HOXC5: variants seen among roughly 807,000 people sequenced by gnomAD.
The protein encoded by HOXC5 is homeobox C5, also known as homeobox protein Hox-C5.
In HOXC5, 19 loss-of-function variants were observed where a neutral mutation model predicts 20.1. That is an observed-to-expected ratio of 0.94 (90% confidence interval 0.66 to 1.38). The LOEUF (loss-of-function observed/expected upper bound fraction) is 1.38. Ranked by LOEUF, HOXC5 falls within the 40% of genes most tolerant of loss-of-function variation. HOXC5 has a pLI of 0.00. For missense variants in HOXC5, 330 were observed against 300.1 expected (o/e 1.10, Z -0.74); for synonymous variants, 124 against 117.0 (o/e 1.06, Z -0.39).
chr12:54,025,272 T>C, the HOXC5 span, among the ~76,000 whole-genome samples: 13 of 152,288 alleles, frequency 8.5e-5, no homozygotes, highest in Admixed American at 2.0e-4. Flanking sequence ...TTCAGACAAA[T>C]TTAACAGGAA....
chr12:54,025,953 C>T, the HOXC5 span, among the ~76,000 whole-genome samples: 1 of 151,956 alleles, frequency 6.6e-6, no homozygotes, highest in Non-Finnish European at 1.5e-5. Context: ...CCCACCCAGA[C>T]ATAAAAGAGA....
the HOXC5 span, among the ~76,000 whole-genome samples, chr12:54,026,970 G>T: frequency 2.2e-5 from 3 of 138,060 alleles, no homozygotes; most frequent in Non-Finnish European, 4.9e-5. Context: ...ATGGTGGGGG[G>T]GGGGGGATAT....
At chr12:54,025,633 GC>G in the HOXC5 span, among the ~76,000 whole-genome samples, 1 of 151,434 alleles carries the variant, frequency 6.6e-6, no homozygotes, top group Non-Finnish European at 1.5e-5. Context: ...CAGCATTTCT[GC>G]CTTTTTCACC....
chr12:54,029,888 G>A (rs1940915543), upstream of HOXC5: 3 of 1,595,386 alleles, frequency 1.9e-6, no homozygotes, highest in Non-Finnish European at 2.6e-6. Flanking sequence ...GGGCGGCGGA[G>A]GGGCCACCGC....
the HOXC5 span, among the ~76,000 whole-genome samples, chr12:54,018,300 C>T: frequency 6.6e-6 from 1 of 152,232 alleles, no homozygotes; most frequent in African/African-American, 2.4e-5. Flanking sequence ...GACCGGGATG[C>T]CCGCTCGCCA....
At chr12:54,023,779 G>C in the HOXC5 span, among the ~76,000 whole-genome samples, 1 of 152,130 alleles carries the variant, frequency 6.6e-6, no homozygotes, top group Non-Finnish European at 1.5e-5. Context: ...TTTTTGGAAT[G>C]CGGTGTGTGT....
rs1216042030 is a variant in HOXC5, at chr12:54,033,371, A to G, written c.249A>G (p.Gly83=). The change falls in exon 1 of 2, where the codon GGA becomes GGG. Residue 83 remains glycine, a synonymous_variant. Transcript: ENST00000312492. ...CCTGCAGCGCCGCGGCCGCTCCGGGACACGCTCCGGGCAGAGACGAAGCGG... is the reference window on the plus strand; with the variant it reads ...CCTGCAGCGCCGCGGCCGCTCCGGGGCACGCTCCGGGCAGAGACGAAGCGG... ...RPACSAAAAP[G]HAPGRDEAAP... The G allele has an allele frequency of 6.2e-7, 1 of 1,612,848 alleles. No individual in the cohort carries two copies. Among genetic ancestry groups the G allele is most frequent in the Non-Finnish European group, 8.5e-7 (1 of 1,179,460 alleles).
chr12:54,023,930 C>G, the HOXC5 span, among the ~76,000 whole-genome samples: 1 of 152,132 alleles, frequency 6.6e-6, no homozygotes, highest in South Asian at 2.1e-4. Flanking sequence ...AGGCTCTTTG[C>G]GATCTGATCC....
chr12:54,033,356 C>G lies in HOXC5; in HGVS notation c.234C>G (p.Ala78=). ...RAHPDRPACS[A]AAAPGHAPGR... is the part of the protein sequence containing the mutation. ...ACCCCGACCGCCCCGCCTGCAGCGCCGCGGCCGCTCCGGGACACGCTCCGG... is the reference window on the plus strand; with the variant it reads ...ACCCCGACCGCCCCGCCTGCAGCGCGGCGGCCGCTCCGGGACACGCTCCGG... Residue 78 remains alanine (A), a synonymous_variant, in exon 1 of 2, where the codon GCC becomes GCG. Transcript: ENST00000312492. 2 of 1,612,758 alleles carry G rather than the reference C, an allele frequency of 1.2e-6. No individual in the cohort carries two copies. Among genetic ancestry groups the G allele is most frequent in the Non-Finnish European group, 1.7e-6 (2 of 1,179,376 alleles).
chr12:54,018,631 A>G, the HOXC5 span, among the ~76,000 whole-genome samples: 1 of 152,260 alleles, frequency 6.6e-6, no homozygotes, highest in East Asian at 1.9e-4. Flanking sequence ...TTGCAGTTTG[A>G]TATATGACCC....
chr12:54,031,774 G>T (rs12578936), upstream of HOXC5, among the ~76,000 whole-genome samples: 2,388 of 152,284 alleles, frequency 0.016, 155 homozygotes, highest in East Asian at 0.19. Context: ...AGCAGGCAGG[G>T]AAGTATGAGA....
chr12:54,024,200 G>A, the HOXC5 span, among the ~76,000 whole-genome samples: 5,227 of 152,178 alleles, frequency 0.034, 305 homozygotes, highest in African/African-American at 0.12. Flanking sequence ...GGGCCAGCGG[G>A]GCAACCGTTC....
At chr12:54,029,950 G>C, upstream of HOXC5, 1 of 1,577,752 alleles carries the variant, frequency 6.3e-7, no homozygotes. Flanking sequence ...AAGAGGAGAA[G>C]CAGAAAGAGT....
the HOXC5 span, chr12:54,021,809 T>A: frequency 6.6e-6 from 1 of 152,472 alleles, no homozygotes; most frequent in Non-Finnish European, 1.5e-5. Flanking sequence ...CTGTGAGTTG[T>A]TTACTTGTTT....
chr12:54,029,964 C>T, upstream of HOXC5: 1 of 1,544,974 alleles, frequency 6.5e-7, no homozygotes, highest in Non-Finnish European at 8.7e-7. Flanking sequence ...AAAGAGTGAC[C>T]AGGACTGTCC....
chr12:54,029,716 G>A (rs1190604258), upstream of HOXC5: 1 of 1,614,192 alleles, frequency 6.2e-7, no homozygotes, highest in Non-Finnish European at 8.5e-7. Flanking sequence ...ACCAGACCCT[G>A]GAACTGGAGA....
rs1193038509 is a variant in HOXC5, at chr12:54,033,328, C to T, written c.206C>T (p.Ala69Val). 5.6e-6 allele frequency: 9 copies of T among 1,613,410 alleles called. 1 individual carries two copies. In the South Asian group the frequency reaches 7.7e-5, roughly 14 times the overall value. ...HGVDMAANPR[A>V]HPDRPACSAA... ...GTAGACATGGCTGCCAACCCCCGGGCTCACCCCGACCGCCCCGCCTGCAGC... is the reference window on the plus strand; with the variant it reads ...GTAGACATGGCTGCCAACCCCCGGGTTCACCCCGACCGCCCCGCCTGCAGC... Residue 69 changes from alanine (A) to valine (V), a missense_variant, in exon 1 of 2, where the codon GCT becomes GTT. Ala to Val is a moderately conservative substitution (Grantham distance 64). Transcript: ENST00000312492.
the HOXC5 span, among the ~76,000 whole-genome samples, chr12:54,022,797 C>A: frequency 6.6e-6 from 1 of 152,090 alleles, no homozygotes; most frequent in Admixed American, 6.5e-5. Flanking sequence ...ACTGTGATGT[C>A]ATAATACCGA....
chr12:54,034,193 G>T, intron 1 of HOXC5, 85 bp from the exon 2 acceptor site: 1 of 1,298,414 alleles, frequency 7.7e-7, no homozygotes, highest in Non-Finnish European at 1.1e-6. Context: ...TCCGGCCGCG[G>T]GTGGGGGCCT....
Sources: allele counts gnomAD v4.1 joint callset (sites outside exome capture counted in the v4.1 genomes callset), GRCh38; gene constraint gnomAD v4.1.1; transcripts MANE v1.5; gene names NCBI Gene and HGNC (gene_info 2026-07-23, HGNC 2026-07-21).